The following CAST variants were observed in gnomAD, a reference collection of about 807,000 sequenced individuals.
The protein encoded by CAST is calpastatin.
Under a neutral mutation model 119.6 loss-of-function variants are expected in CAST, and 76 were observed. That is an observed-to-expected ratio of 0.64 (90% CI 0.53 to 0.77). The LOEUF (loss-of-function observed/expected upper bound fraction) is 0.77, where lower values mean the gene tolerates loss of function less well. Among genes scored for constraint, CAST ranks in the 30% least tolerant of loss-of-function variants. The pLI is 0.00. For synonymous variants in CAST, 319 were observed against 331.6 expected, an observed-to-expected ratio of 0.96 and a Z score of 0.41; for missense variants, 953 against 946.5, an observed-to-expected ratio of 1.01 and a Z score of -0.09.
intron 1 of CAST, among the ~76,000 whole-genome samples, chr5:96,583,718 A>T (rs79560054): frequency 0.019 from 2,917 of 152,332 alleles, 92 homozygotes; most frequent in African/African-American, 0.06. Flanking sequence ...AAACAGAAAA[A>T]TAGAGGGGGA....
chr5:96,086,677 G>GAGGT, the CAST span, among the ~76,000 whole-genome samples: 2 of 21,000 alleles, frequency 9.5e-5, no homozygotes, highest in African/African-American at 1.6e-4. Flanking sequence ...CAGAGAGGCT[G>GAGGT]TTAGATGTCC....
At chr5:96,058,411 C>G in the CAST span, among the ~76,000 whole-genome samples, 3 of 152,090 alleles carry the variant, frequency 2.0e-5, no homozygotes, top group African/African-American at 7.2e-5. Context: ...TTTTCTCTGG[C>G]CACACCTACT....
At chr5:96,489,052 A>G in the CAST span, among the ~76,000 whole-genome samples, 1 of 152,240 alleles carries the variant, frequency 6.6e-6, no homozygotes. Flanking sequence ...ACTTGACTTC[A>G]GAAGAACTTG....
At chr5:96,415,940 T>C in the CAST span, 1 of 816,740 alleles carries the variant, frequency 1.2e-6, no homozygotes, top group Non-Finnish European at 2.2e-6. Flanking sequence ...TTCCTCCAGT[T>C]GTTAAAAAGA....
At chr5:96,527,508 G>A (rs1745615049), upstream of CAST, among the ~76,000 whole-genome samples, 1 of 152,090 alleles carries the variant, frequency 6.6e-6, no homozygotes, top group Admixed American at 6.5e-5. Flanking sequence ...CTTTGCTCAT[G>A]GAGAAGTTCA....
chr5:96,682,201 T>C (rs949246159), intron 2 of CAST, among the ~76,000 whole-genome samples: 3 of 152,236 alleles, frequency 2.0e-5, no homozygotes, highest in Non-Finnish European at 4.4e-5. Context: ...GAGACTACTG[T>C]AATTCTGACA....
chr5:96,021,493 T>G, the CAST span, among the ~76,000 whole-genome samples: 2 of 152,110 alleles, frequency 1.3e-5, no homozygotes, highest in Admixed American at 6.6e-5. Flanking sequence ...TTGCCCAGGC[T>G]GGAGTGCAGT....
the CAST span, among the ~76,000 whole-genome samples, chr5:96,211,484 G>A: frequency 6.6e-6 from 1 of 151,874 alleles, no homozygotes; most frequent in Admixed American, 6.6e-5. Flanking sequence ...CCTGAAATTA[G>A]CCCACTTTGT....
chr5:96,771,711 G>T lies in CAST; in HGVS notation c.*23+9G>T, dbSNP rs1489453419. On this transcript the variant is annotated intron_variant, in intron 31 of 31. Transcript: ENST00000675179. ...ACAAGTTAAGGTATCTGGTAAGTTG[G>T]GTGTTTATTTGTAAATGAAGACAAC... The T allele has an allele frequency of 8.2e-6, 13 of 1,578,134 alleles. No homozygotes were observed. In the East Asian group the frequency reaches 2.9e-4, roughly 35 times the overall value.
At chr5:96,128,709 T>C in the CAST span, among the ~76,000 whole-genome samples, 1 of 152,196 alleles carries the variant, frequency 6.6e-6, no homozygotes, top group Non-Finnish European at 1.5e-5. Context: ...GAAGTGAAAT[T>C]AATTCACTCC....
At chr5:96,573,184 G>A (rs1276801863) in intron 1 of CAST, among the ~76,000 whole-genome samples, 2 of 152,182 alleles carry the variant, frequency 1.3e-5, no homozygotes, top group Admixed American at 6.5e-5. Context: ...ACTCAACTGG[G>A]TAAGGGCCAG....
the CAST span, among the ~76,000 whole-genome samples, chr5:96,406,640 G>T: frequency 2.0e-5 from 3 of 152,198 alleles, no homozygotes; most frequent in Non-Finnish European, 4.4e-5. Flanking sequence ...CTGGACAAAG[G>T]CTCAGGAACC....
At position 96,540,036 on chromosome 5, in the gene CAST, T is replaced by C. The variant is rs1745883543; in HGVS notation, c.60+10156T>C. Among the ~76,000 whole-genome samples, 3 of 152,140 alleles carry C rather than the reference T, an allele frequency of 2.0e-5. No homozygotes were observed. In the South Asian group the frequency reaches 6.2e-4, roughly 32 times the overall value. ...TATAGTATACCTCTTTATCTTACCA[T>C]AGTATAGCTTCAAATATGTGTAGTA... On this transcript the variant is annotated intron_variant, in intron 1 of 11. Coordinates refer to the CAST transcript ENST00000505143.
chr5:96,162,841 T>A, the CAST span, among the ~76,000 whole-genome samples: 1 of 152,242 alleles, frequency 6.6e-6, no homozygotes, highest in Non-Finnish European at 1.5e-5. Flanking sequence ...TCTATATTGA[T>A]AAGCGATATT....
At chr5:96,329,801 CCTCA>C in the CAST span, among the ~76,000 whole-genome samples, 1 of 152,154 alleles carries the variant, frequency 6.6e-6, no homozygotes. Flanking sequence ...AGGATTTCTC[CCTCA>C]CTATCAGATT....
chr5:96,014,792 T>A, the CAST span, among the ~76,000 whole-genome samples: 1 of 152,182 alleles, frequency 6.6e-6, no homozygotes, highest in South Asian at 2.1e-4. Flanking sequence ...TACTGCCAAA[T>A]TGTCCTTTAT....
At chr5:95,972,371 C>A in the CAST span, among the ~76,000 whole-genome samples, 1 of 151,822 alleles carries the variant, frequency 6.6e-6, no homozygotes, top group African/African-American at 2.4e-5. Context: ...TCAAGTTTTT[C>A]TGTGTACTTG....
At chr5:96,377,413 C>G in the CAST span, among the ~76,000 whole-genome samples, 1 of 152,066 alleles carries the variant, frequency 6.6e-6, no homozygotes, top group South Asian at 2.1e-4. Context: ...GTTAGATATA[C>G]AGGCGAATCA....
chr5:96,748,177 G>T (rs2150562066), intron 18 of CAST, among the ~76,000 whole-genome samples: 1 of 152,206 alleles, frequency 6.6e-6, no homozygotes, highest in Middle Eastern at 3.4e-3. Context: ...GAGGAAATAG[G>T]AAAATAATAA....
Sources: allele counts gnomAD v4.1 joint callset (sites outside exome capture counted in the v4.1 genomes callset), GRCh38; gene constraint gnomAD v4.1.1; transcripts MANE v1.5; gene names NCBI Gene and HGNC (gene_info 2026-07-23, HGNC 2026-07-21).